Variants in RUBCNL observed in about 807,000 individuals in gnomAD.
RUBCNL encodes the protein protein associated with UVRAG as autophagy enhancer.
RUBCNL carries 62 observed loss-of-function variants against 69.5 expected under a neutral mutation model. The ratio of observed to expected loss-of-function variants is 0.89; its 90% CI spans 0.73 to 1.10. The LOEUF is 1.10. Ranked by LOEUF, RUBCNL falls within the 50% of genes least tolerant of loss-of-function variation. The pLI is 0.00. For missense variants in RUBCNL, 768 were observed against 798.1 expected, an observed-to-expected ratio of 0.96 and a Z score of 0.45; for synonymous variants, 291 against 303.6, an observed-to-expected ratio of 0.96 and a Z score of 0.43.
intron 9 of RUBCNL, 108 bp downstream of exon 9, chr13:46,359,378 G>A: frequency 1.1e-6 from 1 of 883,994 alleles, no homozygotes; most frequent in Non-Finnish European, 1.6e-6. Flanking sequence ...AAATTTTCCT[G>A]TGTTCTTTAG....
chr13:46,377,277 T>C (rs542809628), intron 2 of RUBCNL, among the ~76,000 whole-genome samples: 17 of 152,346 alleles, frequency 1.1e-4, no homozygotes, highest in African/African-American at 4.1e-4. Flanking sequence ...TCATTTTGTT[T>C]TCTTTGAGAC....
At chr13:46,379,677 G>A (rs1428183120) in intron 1 of RUBCNL, among the ~76,000 whole-genome samples, 2 of 152,216 alleles carry the variant, frequency 1.3e-5, no homozygotes, top group African/African-American at 2.4e-5. Context: ...AGAGTCTAGA[G>A]TGAAAAGTAA....
intron 3 of RUBCNL, among the ~76,000 whole-genome samples, chr13:46,369,302 C>T (rs1352174897): frequency 6.6e-6 from 1 of 152,200 alleles, no homozygotes; most frequent in Non-Finnish European, 1.5e-5. Context: ...GCGGCTTCAA[C>T]CTCCTGGGCT....
chr13:46,357,582 C>A (rs1392792465), intron 9 of RUBCNL, among the ~76,000 whole-genome samples: 1 of 150,794 alleles, frequency 6.6e-6, no homozygotes, highest in Non-Finnish European at 1.5e-5. Flanking sequence ...ACAAAGAAAT[C>A]AAATCATTTC....
rs1474743406 is a variant in RUBCNL at position 46,341,050 on chromosome 13, C to G, written c.*2335G>C. Among the ~76,000 whole-genome samples, 2 of 152,196 alleles carry G rather than the reference C, an allele frequency of 1.3e-5. No individual in the cohort carries two copies. The highest frequency in any genetic ancestry group is 2.9e-5 in the Non-Finnish European group (2 of 68,036). Reference sequence around the variant, plus strand: ...AATAATTCTCACCCAGGTCAACACACCAGACATCTTTGGGATGGCTTGCTC... The same window carrying G: ...AATAATTCTCACCCAGGTCAACACAGCAGACATCTTTGGGATGGCTTGCTC... On this transcript the variant is annotated 3_prime_UTR_variant, in exon 15 of 15. Coordinates refer to ENST00000429979, the MANE Select transcript of RUBCNL (RefSeq NM_025113.5).
At chr13:46,385,596 G>A (rs915831511) in intron 1 of RUBCNL, among the ~76,000 whole-genome samples, 1 of 151,288 alleles carries the variant, frequency 6.6e-6, no homozygotes, top group Non-Finnish European at 1.5e-5. Context: ...CTTCAGATGG[G>A]TGGGGAAAAA....
In RUBCNL at chr13:46,387,226, C is replaced by T. The variant is rs1243475608; in HGVS notation, c.-331G>A. 3.9e-5 allele frequency: 38 copies of T among 985,294 alleles called. No individual in the cohort carries two copies. The highest frequency in any genetic ancestry group is 4.7e-5 in the South Asian group (1 of 21,286). The allele number at this position is 985,294 out of a possible 1,614,324, so 61.0% of individuals were successfully genotyped here. A position where few individuals can be genotyped will look rare whatever the true frequency, so the allele number is the denominator to read the frequency against. On this transcript the variant is annotated 5_prime_UTR_variant, in exon 1 of 15. Coordinates refer to ENST00000429979, the MANE Select transcript of RUBCNL (RefSeq NM_025113.5). ...GCTCCGGGCAGCGTTCCGTGGCCAC[C>T]GCGCTCCCGGTAACAGCAGAAAGGG...
At chr13:46,387,986 T>TGCAAAGCTGTTCTTTGTGGG, upstream of RUBCNL, 1 of 291,582 alleles carries the variant, frequency 3.4e-6, no homozygotes, top group Non-Finnish European at 5.1e-6. Flanking sequence ...CCAAGTCGGA[T>TGCAAAGCTGTTCTTTGTGGG]GGATCACTTG....
At chr13:46,388,219 A>AC (rs1343252530), upstream of RUBCNL, among the ~76,000 whole-genome samples, 2 of 148,946 alleles carry the variant, frequency 1.3e-5, no homozygotes, top group African/African-American at 5.0e-5. Context: ...AAAAAAAAAA[A>AC]ACAGAAAGGA....
chr13:46,341,601 T>C lies in RUBCNL; in HGVS notation c.*1784A>G, dbSNP rs188522389. On this transcript the variant is annotated 3_prime_UTR_variant, in exon 15 of 15. Transcript: ENST00000429979. ...CAGGCTCATCAGTGCCTTACAAACA[T>C]ACAAACCCTGAGCACAGAGCCCTTC... is the stretch of plus-strand genomic sequence containing the variant. Among the ~76,000 whole-genome samples the C allele has an allele frequency of 2.1e-3, 323 of 152,284 alleles. 2 individuals carry two copies. The highest frequency in any genetic ancestry group is 3.4e-3 in the Middle Eastern group (1 of 294).
chr13:46,383,472 T>C (rs897073098), intron 1 of RUBCNL, among the ~76,000 whole-genome samples: 2 of 152,212 alleles, frequency 1.3e-5, no homozygotes, highest in Non-Finnish European at 2.9e-5. Context: ...TCATAACTAA[T>C]GCTTATATGA....
chr13:46,385,664 T>C (rs1211619181), intron 1 of RUBCNL, among the ~76,000 whole-genome samples: 1 of 117,746 alleles, frequency 8.5e-6, no homozygotes, highest in Non-Finnish European at 1.7e-5. Context: ...CTAAAGATCA[T>C]GCAAAAAAAA....
chr13:46,364,543 G>A (rs1186592761), intron 5 of RUBCNL, among the ~76,000 whole-genome samples: 1 of 151,468 alleles, frequency 6.6e-6, no homozygotes, highest in East Asian at 1.9e-4. Flanking sequence ...ACCCATCTGT[G>A]TTTTTCACTG....
intron 1 of RUBCNL, among the ~76,000 whole-genome samples, chr13:46,380,384 A>G (rs2049092589): frequency 6.6e-6 from 1 of 152,232 alleles, no homozygotes; most frequent in African/African-American, 2.4e-5. Context: ...TTGAGAACTG[A>G]AATGGAGACC....
chr13:46,380,883 A>G lies in RUBCNL; in HGVS notation c.-238-2878T>C, dbSNP rs796345053. 1.1e-4 allele frequency among the ~76,000 whole-genome samples: 17 copies of G among 152,316 alleles called. 1 individual carries two copies. The highest frequency in any genetic ancestry group is 4.1e-4 in the African/African-American group (17 of 41,550). The stretch of plus-strand genomic sequence containing the variant: ...AACATTCTACCTAAAAACTTTACAT[A>G]TATTAAAAAAAACCAGATTTACATG... On this transcript the variant is annotated intron_variant, in intron 1 of 14. Coordinates refer to ENST00000429979, the MANE Select transcript of RUBCNL (RefSeq NM_025113.5).
At chr13:46,350,405 G>C (rs1404283978) in intron 10 of RUBCNL, 54 bp from the exon 11 acceptor site, 1 of 1,279,948 alleles carries the variant, frequency 7.8e-7, no homozygotes, top group East Asian at 2.6e-5. Context: ...AACCTATCCT[G>C]GTATACCCCG....
chr13:46,349,803 A>G (rs2048330236), intron 11 of RUBCNL, among the ~76,000 whole-genome samples: 1 of 151,106 alleles, frequency 6.6e-6, no homozygotes, highest in Non-Finnish European at 1.5e-5. Context: ...CAGCCTCTCG[A>G]GTAGCTGGGA....
chr13:46,384,306 C>T (rs1259062624), intron 1 of RUBCNL, among the ~76,000 whole-genome samples: 2 of 152,158 alleles, frequency 1.3e-5, no homozygotes, highest in Non-Finnish European at 2.9e-5. Context: ...TAGGGAAGTG[C>T]CCTAAACATA....
rs1403437951 is a variant in RUBCNL at position 46,342,390 on chromosome 13, C to T, written c.*995G>A. Reference sequence around the variant, plus strand: ...AAGGTATACCATGAAGGGACCCAGCCTCAAGGCCCCTTTCTCAAGTGGGAG... The same window carrying T: ...AAGGTATACCATGAAGGGACCCAGCTTCAAGGCCCCTTTCTCAAGTGGGAG... On this transcript the variant is annotated 3_prime_UTR_variant, in exon 15 of 15. Transcript: ENST00000429979. The T allele has an allele frequency of 6.6e-6, 1 of 152,106 alleles. No homozygotes were observed. Among genetic ancestry groups the T allele is most frequent in the Non-Finnish European group, 1.5e-5 (1 of 68,030 alleles). The allele number at this position is 152,106 out of a possible 1,614,324, so 9.4% of individuals were successfully genotyped here.
Sources: allele counts gnomAD v4.1 joint callset (sites outside exome capture counted in the v4.1 genomes callset), GRCh38; gene constraint gnomAD v4.1.1; transcripts MANE v1.5; gene names NCBI Gene and HGNC (gene_info 2026-07-23, HGNC 2026-07-21).